TTLL5: variants seen among roughly 807,000 people sequenced by gnomAD.
TTLL5 encodes tubulin tyrosine ligase like 5.
In TTLL5, 132 loss-of-function variants were observed where a neutral mutation model predicts 168.4. The observed-to-expected ratio is 0.78, with a 90% CI of 0.68 to 0.91. The LOEUF (loss-of-function observed/expected upper bound fraction) is 0.91, where lower values mean the gene tolerates loss of function less well. Among genes scored for constraint, TTLL5 ranks in the 40% least tolerant of loss-of-function variants. TTLL5 has a pLI of 0.00. For synonymous variants in TTLL5, 546 were observed against 558.6 expected (o/e 0.98, Z 0.32); for missense variants, 1,545 against 1,581.5 (o/e 0.98, Z 0.39).
At chr14:75,826,325 A>ACACACACACACACG in intron 28 of TTLL5, among the ~76,000 whole-genome samples, 1 of 151,676 alleles carries the variant, frequency 6.6e-6, no homozygotes. Context: ...ACACACACAC[A>ACACACACACACACG]CACACACGAG....
intron 15 of TTLL5, chr14:75,737,663 GAA>G: frequency 6.7e-7 from 1 of 1,503,644 alleles, no homozygotes; most frequent in South Asian, 1.2e-5. Context: ...TCTCCAAATG[GAA>G]AGTTTTTTAG....
rs370288069 is a variant in TTLL5, at chr14:75,763,253, C to G, written c.1551-1362C>G. Among the ~76,000 whole-genome samples, 516 of 145,478 alleles carry G rather than the reference C, an allele frequency of 3.5e-3. 1 individual carries two copies. The highest frequency in any genetic ancestry group is 0.012 in the African/African-American group (454 of 39,330). On this transcript the variant is annotated intron_variant, in intron 18 of 31. Coordinates refer to ENST00000298832, the MANE Select transcript of TTLL5 (RefSeq NM_015072.5). Reference sequence around the variant, plus strand: ...TAAAAGTTTATTTCTATAGCTCTCTCTCTGTGTGTGTGTGTGTGTGTGTGT... The same window carrying G: ...TAAAAGTTTATTTCTATAGCTCTCTGTCTGTGTGTGTGTGTGTGTGTGTGT...
chr14:75,902,047 A>T, intron 30 of TTLL5, 95 bp from the exon 31 acceptor site: 4 of 1,010,204 alleles, frequency 4.0e-6, no homozygotes, highest in Non-Finnish European at 6.3e-6. Context: ...CCACAGGAGA[A>T]GCAGCACCAA....
At chr14:75,926,670 A>G (rs2884862) in intron 31 of TTLL5, among the ~76,000 whole-genome samples, 122,234 of 152,146 alleles carry the variant, frequency 0.8, 49,303 homozygotes, top group African/African-American at 0.87. Flanking sequence ...ACAAGTGGAG[A>G]TGAGGATGTG....
chr14:75,811,156 A>AGAGTGTGTGTGTGTGTGTGTGTGT (rs60194482), intron 27 of TTLL5, among the ~76,000 whole-genome samples: 1 of 116,530 alleles, frequency 8.6e-6, no homozygotes, highest in Non-Finnish European at 1.7e-5. Context: ...TGAAAGAAAG[A>AGAGTGTGTGTGTGTGTGTGTGTGT]GTGTGTGTGT....
chr14:75,788,798 A>G (rs1258962382), intron 26 of TTLL5, among the ~76,000 whole-genome samples: 2 of 152,162 alleles, frequency 1.3e-5, no homozygotes, highest in Non-Finnish European at 2.9e-5. Context: ...GGACAGTATT[A>G]AAAAGGAAAA....
chr14:75,742,744 T>C (rs1339673114), intron 15 of TTLL5, among the ~76,000 whole-genome samples: 1 of 152,228 alleles, frequency 6.6e-6, no homozygotes, highest in East Asian at 1.9e-4. Flanking sequence ...GTGAACTAGG[T>C]AAGTATTTTT....
At chr14:75,862,009 C>T (rs1311721423) in intron 28 of TTLL5, among the ~76,000 whole-genome samples, 1 of 152,166 alleles carries the variant, frequency 6.6e-6, no homozygotes, top group Non-Finnish European at 1.5e-5. Context: ...AAATGACTTC[C>T]TATTCCCTAA....
rs1188565565 is a variant in TTLL5 at position 75,683,567 on chromosome 14, T to C, written c.282T>C (p.Thr94=). Residue 94 remains threonine, a synonymous_variant, in exon 5 of 32, where the codon ACT becomes ACC. Transcript: ENST00000298832. ...GCCCTCAGGTTCACCCAAGCAGCACTGACTATAACCTAATGTGGACAGGAT... is the reference window on the plus strand; with the variant it reads ...GCCCTCAGGTTCACCCAAGCAGCACCGACTATAACCTAATGTGGACAGGAT... ...HGFHEVHPSS[T]DYNLMWTGSH... is the part of the protein sequence containing the mutation. 6 of 1,613,970 alleles carry C rather than the reference T, an allele frequency of 3.7e-6. No individual in the cohort carries two copies. In the South Asian group the frequency reaches 6.6e-5, roughly 18 times the overall value.
At chr14:75,943,829 G>A (rs560069903) in intron 31 of TTLL5, among the ~76,000 whole-genome samples, 1 of 152,266 alleles carries the variant, frequency 6.6e-6, no homozygotes, top group East Asian at 1.9e-4. Context: ...TAAACCAAGA[G>A]ATTAAAATTA....
intron 2 of TTLL5, among the ~76,000 whole-genome samples, chr14:75,668,956 C>T (rs1348473062): frequency 6.6e-6 from 1 of 152,168 alleles, no homozygotes; most frequent in Non-Finnish European, 1.5e-5. Context: ...TGACTTTCTC[C>T]TTCACCAACA....
At chr14:75,764,561 A>G in intron 18 of TTLL5, 54 bp from the exon 19 acceptor site, 1 of 1,600,996 alleles carries the variant, frequency 6.2e-7, no homozygotes, top group Non-Finnish European at 8.5e-7. Context: ...TTAGCCTTGG[A>G]ATGAAGGAGA....
At chr14:75,940,351 T>A (rs557168897) in intron 31 of TTLL5, among the ~76,000 whole-genome samples, 3 of 152,268 alleles carry the variant, frequency 2.0e-5, no homozygotes, top group African/African-American at 7.2e-5. Context: ...AGTGCTGGGA[T>A]TACAGGCATG....
chr14:75,709,290 C>T (rs1202776338), intron 9 of TTLL5: 2 of 729,850 alleles, frequency 2.7e-6, no homozygotes, highest in Non-Finnish European at 5.0e-6. Context: ...TTAGAATGGT[C>T]TTTTAATGAT....
chr14:75,802,990 A>C (rs996910742), intron 27 of TTLL5, among the ~76,000 whole-genome samples: 6 of 152,240 alleles, frequency 3.9e-5, no homozygotes, highest in Non-Finnish European at 7.3e-5. Flanking sequence ...AGGATGTCAC[A>C]GGATGGAGAG....
chr14:75,917,699 C>G (rs2033669557), intron 31 of TTLL5, among the ~76,000 whole-genome samples: 1 of 152,180 alleles, frequency 6.6e-6, no homozygotes, highest in Admixed American at 6.5e-5. Flanking sequence ...TGGGATCTTT[C>G]CCACATGCCC....
intron 13 of TTLL5, among the ~76,000 whole-genome samples, chr14:75,733,570 G>A (rs893876048): frequency 1.3e-5 from 2 of 152,042 alleles, no homozygotes; most frequent in African/African-American, 2.4e-5. Flanking sequence ...CTTCTCTTGC[G>A]TGTGAATGTG....
At chr14:75,749,063 A>G in intron 17 of TTLL5, among the ~76,000 whole-genome samples, 1 of 152,198 alleles carries the variant, frequency 6.6e-6, no homozygotes. Context: ...AAAATATGCT[A>G]TTCATGTAGT....
At chr14:75,867,772 A>AAG (rs2030648004) in intron 29 of TTLL5, among the ~76,000 whole-genome samples, 1 of 151,916 alleles carries the variant, frequency 6.6e-6, no homozygotes, top group Admixed American at 6.6e-5. Context: ...AAAAAAAAAA[A>AAG]AGCAAAAAAA....
Sources: allele counts gnomAD v4.1 joint callset (sites outside exome capture counted in the v4.1 genomes callset), GRCh38; gene constraint gnomAD v4.1.1; transcripts MANE v1.5; gene names NCBI Gene and HGNC (gene_info 2026-07-23, HGNC 2026-07-21).